RBFOX1: variants seen among roughly 807,000 people sequenced by gnomAD.
RBFOX1 encodes RNA binding fox-1 homolog 1.
RBFOX1 carries 8 observed loss-of-function variants against 57.7 expected under a neutral mutation model. The observed-to-expected ratio is 0.14, with a 90% CI of 0.08 to 0.25. The LOEUF is 0.25. Among genes scored for constraint, RBFOX1 ranks in the 10% least tolerant of loss-of-function variants. The pLI is 1.00. For synonymous variants in RBFOX1, 326 were observed against 222.4 expected (o/e 1.47, Z -4.15); for missense variants, 611 against 548.5 (o/e 1.11, Z -1.14).
intron 5 of RBFOX1, among the ~76,000 whole-genome samples, chr16:7,559,286 C>T (rs1364139316): frequency 6.6e-6 from 1 of 151,572 alleles, no homozygotes; most frequent in African/African-American, 2.4e-5. Context: ...GATTGTATTA[C>T]GTTATATACA....
At chr16:7,026,555 C>T (rs993738159) in intron 3 of RBFOX1, among the ~76,000 whole-genome samples, 1 of 152,096 alleles carries the variant, frequency 6.6e-6, no homozygotes, top group African/African-American at 2.4e-5. Context: ...CTGCTTCATA[C>T]GGCTTCTCCC....
At chr16:7,098,644 A>G (rs2062106397) in intron 4 of RBFOX1, among the ~76,000 whole-genome samples, 1 of 152,176 alleles carries the variant, frequency 6.6e-6, no homozygotes, top group Non-Finnish European at 1.5e-5. Context: ...ATAGGACATT[A>G]GAGTGGTTAA....
Position 7,452,112 on chromosome 16 carries a change from A to T in RBFOX1, c.28-66035A>T, listed in dbSNP as rs143726069. ...GCAATGTAGTTAGAGTAAAATGTCA[A>T]AGTATAATGAAACAGAGGAACATCA... On this transcript the variant is annotated intron_variant, in intron 4 of 15. Transcript: ENST00000550418. 2.0e-5 allele frequency among the ~76,000 whole-genome samples: 3 copies of T among 152,358 alleles called. No individual in the cohort carries two copies. In the East Asian group the frequency reaches 5.8e-4, roughly 29 times the overall value.
chr16:7,150,369 A>G (rs776731284), intron 4 of RBFOX1, among the ~76,000 whole-genome samples: 4 of 152,078 alleles, frequency 2.6e-5, no homozygotes, highest in Admixed American at 6.5e-5. Flanking sequence ...TTAATGCCCT[A>G]TGATTTGAGA....
At chr16:5,428,968 C>T (rs1004050144) in intron 1 of RBFOX1, among the ~76,000 whole-genome samples, 2 of 152,068 alleles carry the variant, frequency 1.3e-5, no homozygotes, top group East Asian at 1.9e-4. Context: ...GGGGCTTTTC[C>T]TCTCTTCCTA....
Position 5,343,515 on chromosome 16 carries a change from G to C in RBFOX1, c.219+103410G>C, listed in dbSNP as rs146907469. Among the ~76,000 whole-genome samples the C allele has an allele frequency of 6.4e-3, 972 of 151,718 alleles. 13 individuals carry two copies. The highest frequency in any genetic ancestry group is 0.022 in the African/African-American group (922 of 41,374). On this transcript the variant is annotated intron_variant, in intron 1 of 2. Coordinates refer to the RBFOX1 transcript ENST00000585867. The stretch of plus-strand genomic sequence containing the variant: ...TTTGTGTATTTTTAGTAGAGAGGGG[G>C]TTTCACCGTGTTACCCAGGATGGTC...
chr16:6,088,630 A>G (rs906321988), intron 1 of RBFOX1, among the ~76,000 whole-genome samples: 2 of 152,130 alleles, frequency 1.3e-5, no homozygotes, highest in Non-Finnish European at 2.9e-5. Context: ...GAATGGTGGA[A>G]TGCTTTCCTT....
chr16:7,341,067 T>G (rs952054619), intron 4 of RBFOX1, among the ~76,000 whole-genome samples: 1 of 152,122 alleles, frequency 6.6e-6, no homozygotes, highest in Non-Finnish European at 1.5e-5. Context: ...AAAGGTTGTT[T>G]TGGGTAAGTG....
chr16:6,674,487 A>C (rs918034885), intron 3 of RBFOX1, among the ~76,000 whole-genome samples: 1 of 152,058 alleles, frequency 6.6e-6, no homozygotes, highest in African/African-American at 2.4e-5. Context: ...ATGCCCGGCT[A>C]ATTTTTGTAT....
intron 3 of RBFOX1, among the ~76,000 whole-genome samples, chr16:6,985,571 T>C (rs145034241): frequency 1.5e-3 from 226 of 152,350 alleles, no homozygotes; most frequent in African/African-American, 5.1e-3. Context: ...CTCACGCCTG[T>C]AATCCCAGCA....
intron 4 of RBFOX1, among the ~76,000 whole-genome samples, chr16:7,159,820 C>G (rs931869391): frequency 1.3e-5 from 2 of 152,176 alleles, no homozygotes; most frequent in African/African-American, 4.8e-5. Context: ...CCTGTACCAA[C>G]AGAATGTTGT....
chr16:6,011,308 C>G (rs760508929), intron 4 of RBFOX1, among the ~76,000 whole-genome samples: 4 of 151,984 alleles, frequency 2.6e-5, no homozygotes, highest in Non-Finnish European at 5.9e-5. Flanking sequence ...TTAGATGGAG[C>G]TATTTAAAAC....
intron 4 of RBFOX1, among the ~76,000 whole-genome samples, chr16:5,936,611 A>C (rs912983407): frequency 1.3e-5 from 2 of 152,222 alleles, no homozygotes; most frequent in Non-Finnish European, 2.9e-5. Context: ...GACACAGGTC[A>C]GATTGATGGT....
At chr16:5,917,009 A>G (rs2058718583) in intron 4 of RBFOX1, among the ~76,000 whole-genome samples, 1 of 152,020 alleles carries the variant, frequency 6.6e-6, no homozygotes. Flanking sequence ...TGGGATGGGG[A>G]TGAATTGAGT....
rs375912764 is a variant in RBFOX1 at position 7,635,933 on chromosome 16, C to T, written c.757+5250C>T. On this transcript the variant is annotated intron_variant, in intron 11 of 15. Transcript: ENST00000550418. ...TCACACCATTCTCCTGTCTCAGCCT[C>T]CCAAGTAGCTGGGACTACAGGCGCC... Among the ~76,000 whole-genome samples the T allele has an allele frequency of 2.1e-4, 32 of 152,300 alleles. No homozygotes were observed. The East Asian group carries it at 4.6e-3, about 22-fold the overall frequency.
At chr16:7,665,121 C>G (rs2068846052) in intron 13 of RBFOX1, among the ~76,000 whole-genome samples, 153 bp downstream of exon 13, 1 of 152,118 alleles carries the variant, frequency 6.6e-6, no homozygotes, top group Non-Finnish European at 1.5e-5. Context: ...GACAGAAAGC[C>G]TTCTGCTCTT....
chr16:6,249,538 A>G (rs137923312), intron 1 of RBFOX1, among the ~76,000 whole-genome samples: 4 of 152,142 alleles, frequency 2.6e-5, no homozygotes, highest in African/African-American at 9.6e-5. Flanking sequence ...AAACAAACAA[A>G]CAAAAAAACA....
Position 7,287,571 on chromosome 16 carries a change from A to G in RBFOX1, c.28-230576A>G, listed in dbSNP as rs538260381. On this transcript the variant is annotated intron_variant, in intron 4 of 15. Coordinates refer to ENST00000550418, the MANE Select transcript of RBFOX1 (RefSeq NM_018723.4). ...GTGTTTTCAGTCTGTGACTTGGGCT[A>G]CTTAAATGGAAGAAGATAAAACCTT... 6.6e-5 allele frequency among the ~76,000 whole-genome samples: 10 copies of G among 152,314 alleles called. No homozygotes were observed. The South Asian group carries it at 1.9e-3, about 28-fold the overall frequency.
Position 6,103,736 on chromosome 16 carries a change from C to T in RBFOX1, c.-127+83744C>T, listed in dbSNP as rs557027517. On this transcript the variant is annotated intron_variant, in intron 1 of 15. Transcript: ENST00000550418. ...CTGGAGTGGACATTCCTCACTTCCA[C>T]CTGCATGCCATTGGCCAGAACCAGT... Among the ~76,000 whole-genome samples, 232 of 152,248 alleles carry T rather than the reference C, an allele frequency of 1.5e-3. 1 individual carries two copies. The highest frequency in any genetic ancestry group is 2.4e-3 in the Non-Finnish European group (165 of 68,034).
Sources: allele counts gnomAD v4.1 joint callset (sites outside exome capture counted in the v4.1 genomes callset), GRCh38; gene constraint gnomAD v4.1.1; transcripts MANE v1.5; gene names NCBI Gene and HGNC (gene_info 2026-07-23, HGNC 2026-07-21).